SLC24A2: variants seen among roughly 807,000 people sequenced by gnomAD.
The protein encoded by SLC24A2 is sodium/potassium/calcium exchanger 2.
Under a neutral mutation model 62.0 loss-of-function variants are expected in SLC24A2, and 36 were observed. The ratio of observed to expected loss-of-function variants is 0.58; its 90% CI spans 0.44 to 0.77. The LOEUF is 0.77. Ranked by LOEUF, SLC24A2 falls within the 30% of genes least tolerant of loss-of-function variation. SLC24A2 has a pLI of 0.00. For synonymous variants in SLC24A2, 358 were observed against 294.0 expected, an observed-to-expected ratio of 1.22 and a Z score of -2.23; for missense variants, 846 against 817.9, an observed-to-expected ratio of 1.03 and a Z score of -0.42.
chr9:20,005,818 AT>A, the SLC24A2 span, among the ~76,000 whole-genome samples: 1 of 151,684 alleles, frequency 6.6e-6, no homozygotes, highest in Non-Finnish European at 1.5e-5. Context: ...AAAATCATGA[AT>A]AGTCAAAAAT....
chr9:20,267,179 C>A, the SLC24A2 span, among the ~76,000 whole-genome samples: 6 of 152,074 alleles, frequency 3.9e-5, no homozygotes, highest in Non-Finnish European at 8.8e-5. Flanking sequence ...TTGGAAAATG[C>A]CAACCTATAA....
chr9:20,284,566 A>G, the SLC24A2 span, among the ~76,000 whole-genome samples: 3 of 152,224 alleles, frequency 2.0e-5, no homozygotes, highest in Non-Finnish European at 2.9e-5. Flanking sequence ...CAATGACTAA[A>G]GATTCAACAT....
chr9:19,528,253 G>T, intron 8 of SLC24A2, 115 bp from the exon 9 acceptor site: 1 of 749,138 alleles, frequency 1.3e-6, no homozygotes, highest in Admixed American at 2.0e-5. Flanking sequence ...CTGCATCTTA[G>T]TAGGATTGGC....
intron 7 of SLC24A2, among the ~76,000 whole-genome samples, chr9:19,571,451 G>T (rs932620262): frequency 6.6e-6 from 1 of 152,044 alleles, no homozygotes. Context: ...CTGTAGTCTG[G>T]TTTCTATTTG....
At chr9:19,904,358 A>G in the SLC24A2 span, among the ~76,000 whole-genome samples, 1 of 152,210 alleles carries the variant, frequency 6.6e-6, no homozygotes, top group Non-Finnish European at 1.5e-5. Context: ...CTCTGTAGCC[A>G]TGTGCTCTCT....
At position 19,763,291 on chromosome 9, in the gene SLC24A2, A is replaced by G. The variant is rs563015207; in HGVS notation, c.930+22646T>C. 5.3e-5 allele frequency among the ~76,000 whole-genome samples: 8 copies of G among 152,248 alleles called. No homozygotes were observed. The South Asian group carries it at 1.5e-3, about 28-fold the overall frequency. On this transcript the variant is annotated intron_variant, in intron 2 of 10. Coordinates refer to ENST00000341998, the MANE Select transcript of SLC24A2 (RefSeq NM_020344.4). ...AGATAATTTGACTTTCTCTTTTCCT[A>G]TTTGAATACCCTTTGTTTCTTTCTC...
At chr9:20,180,519 CTTT>C in the SLC24A2 span, among the ~76,000 whole-genome samples, 1 of 152,044 alleles carries the variant, frequency 6.6e-6, no homozygotes, top group South Asian at 2.1e-4. Context: ...TTCAGAAATC[CTTT>C]GTCTTTCCTA....
chr9:19,879,234 A>C, the SLC24A2 span, among the ~76,000 whole-genome samples: 1 of 152,282 alleles, frequency 6.6e-6, no homozygotes, highest in East Asian at 1.9e-4. Flanking sequence ...CAGGGCTGTG[A>C]GGCCAGACAG....
At chr9:20,057,439 T>G in the SLC24A2 span, among the ~76,000 whole-genome samples, 1 of 152,168 alleles carries the variant, frequency 6.6e-6, no homozygotes, top group Non-Finnish European at 1.5e-5. Flanking sequence ...TACCTAGTCC[T>G]TCCTAACCAG....
At chr9:20,146,577 G>T in the SLC24A2 span, among the ~76,000 whole-genome samples, 2 of 152,088 alleles carry the variant, frequency 1.3e-5, no homozygotes, top group Non-Finnish European at 2.9e-5. Context: ...CTCTCTGCCA[G>T]TCTGTGTACT....
chr9:19,934,020 G>A, the SLC24A2 span, among the ~76,000 whole-genome samples: 8 of 152,184 alleles, frequency 5.3e-5, no homozygotes, highest in Non-Finnish European at 1.2e-4. The surrounding 1 kb of genome is among the most constrained non-coding windows in gnomAD (Gnocchi z 4.1). Context: ...TCTTTTTTGG[G>A]GTGATGAAAA....
chr9:20,270,850 T>A, the SLC24A2 span, among the ~76,000 whole-genome samples: 1 of 152,194 alleles, frequency 6.6e-6, no homozygotes, highest in Non-Finnish European at 1.5e-5. Context: ...TCTTAGAATA[T>A]TTTTCAGAAA....
chr9:19,568,003 G>A (rs893287379), intron 7 of SLC24A2, among the ~76,000 whole-genome samples: 1 of 152,168 alleles, frequency 6.6e-6, no homozygotes, highest in Non-Finnish European at 1.5e-5. Context: ...TAAAACAGCA[G>A]GTTAATTACA....
the SLC24A2 span, among the ~76,000 whole-genome samples, chr9:19,947,496 A>G: frequency 6.6e-6 from 1 of 151,894 alleles, no homozygotes; most frequent in Non-Finnish European, 1.5e-5. Context: ...AAAACAAGAA[A>G]AGAAATTAGT....
At chr9:20,185,037 A>G in the SLC24A2 span, among the ~76,000 whole-genome samples, 3 of 152,168 alleles carry the variant, frequency 2.0e-5, no homozygotes, top group African/African-American at 7.2e-5. Context: ...TATGAAATCT[A>G]AAAAAGCTGA....
At position 19,530,159 on chromosome 9, in the gene SLC24A2, A is replaced by T. The variant is rs182797657; in HGVS notation, c.1480-2021T>A. On this transcript the variant is annotated intron_variant, in intron 8 of 10. Coordinates refer to ENST00000341998, the MANE Select transcript of SLC24A2 (RefSeq NM_020344.4). ...TCCCTGAGCCAGTGCTAAGAGATGA[A>T]GTTTTCCAAGGCATTTAGCTTATTA... 5.2e-3 allele frequency among the ~76,000 whole-genome samples: 777 copies of T among 150,232 alleles called. 3 individuals are homozygous for T. The highest frequency in any genetic ancestry group is 9.7e-3 in the Non-Finnish European group (658 of 67,882).
the SLC24A2 span, among the ~76,000 whole-genome samples, chr9:20,144,933 A>G: frequency 6.6e-6 from 1 of 152,270 alleles, no homozygotes; most frequent in Non-Finnish European, 1.5e-5. Flanking sequence ...CTCAAGCAAT[A>G]ATCCTGTCCT....
the SLC24A2 span, among the ~76,000 whole-genome samples, chr9:19,815,098 G>T: frequency 1.3e-5 from 2 of 152,134 alleles, no homozygotes; most frequent in Admixed American, 1.3e-4. Flanking sequence ...TAATCAGAGA[G>T]AACTTTCCTA....
intron 7 of SLC24A2, among the ~76,000 whole-genome samples, chr9:19,555,224 G>A (rs549184079): frequency 2.0e-5 from 3 of 152,122 alleles, no homozygotes; most frequent in Non-Finnish European, 4.4e-5. Flanking sequence ...GTTCTTTACA[G>A]TGCAAGTTTA....
Sources: gnomAD v4.1 joint callset for allele counts (sites outside exome capture counted in the v4.1 genomes callset) on GRCh38, gnomAD v4.1.1 for gene constraint, Gnocchi (gnomAD v3.1) non-coding constraint, MANE v1.5 for transcripts, NCBI Gene and HGNC (gene_info 2026-07-23, HGNC 2026-07-21) for gene names.